SIAH3: variants seen among roughly 807,000 people sequenced by gnomAD.
SIAH3 encodes the protein siah E3 ubiquitin protein ligase family member 3, also known as seven in absentia homolog 3.
SIAH3 carries 9 observed loss-of-function variants against 12.6 expected under a neutral mutation model. That is an observed-to-expected ratio of 0.72 (90% confidence interval 0.43 to 1.25). The LOEUF (loss-of-function observed/expected upper bound fraction) is 1.25. Ranked by LOEUF, SIAH3 falls within the 50% of genes most tolerant of loss-of-function variation. The pLI, the probability that SIAH3 is intolerant of heterozygous loss-of-function variation, is 0.00. For synonymous variants in SIAH3, 154 were observed against 151.1 expected (o/e 1.02, Z -0.14); for missense variants, 390 against 365.4 (o/e 1.07, Z -0.55).
intron 1 of SIAH3, among the ~76,000 whole-genome samples, chr13:45,845,565 A>G (rs995498900): frequency 5.9e-5 from 9 of 152,118 alleles, no homozygotes; most frequent in Admixed American, 5.2e-4. Context: ...ACTTATCCCC[A>G]TGCTACAGTT....
intron 1 of SIAH3, among the ~76,000 whole-genome samples, chr13:45,828,036 C>T (rs540360766): frequency 9.2e-5 from 14 of 152,316 alleles, no homozygotes; most frequent in African/African-American, 3.1e-4. Context: ...GGTAGCCAGT[C>T]CCACCTCTGC....
At chr13:45,838,825 G>C (rs1393687549) in intron 1 of SIAH3, among the ~76,000 whole-genome samples, 3 of 151,790 alleles carry the variant, frequency 2.0e-5, no homozygotes, top group African/African-American at 7.3e-5. Flanking sequence ...GGTCAATGTG[G>C]ACACAGTCCC....
chr13:45,791,473 C>T (rs1295158029), intron 1 of SIAH3, among the ~76,000 whole-genome samples: 2 of 152,164 alleles, frequency 1.3e-5, no homozygotes, highest in Non-Finnish European at 2.9e-5. Context: ...TGTCCTCTAC[C>T]CTTCCATCTC....
intron 1 of SIAH3, among the ~76,000 whole-genome samples, chr13:45,791,251 G>A (rs1409994123): frequency 1.3e-5 from 2 of 152,178 alleles, no homozygotes; most frequent in Non-Finnish European, 2.9e-5. Context: ...CAGAGGTTAA[G>A]TTTGCTCAGT....
intron 1 of SIAH3, among the ~76,000 whole-genome samples, chr13:45,848,943 G>A (rs1048149342): frequency 3.3e-5 from 5 of 152,152 alleles, no homozygotes; most frequent in Admixed American, 6.5e-5. Flanking sequence ...AGCTTATTAC[G>A]TCCAAGGCAT....
At chr13:45,799,622 G>T (rs1348049183) in intron 1 of SIAH3, among the ~76,000 whole-genome samples, 2 of 152,212 alleles carry the variant, frequency 1.3e-5, no homozygotes, top group Non-Finnish European at 2.9e-5. Flanking sequence ...CCCAAGGCCT[G>T]GGGGTTGGTG....
intron 1 of SIAH3, among the ~76,000 whole-genome samples, chr13:45,818,721 T>C (rs1265479353): frequency 6.6e-6 from 1 of 152,252 alleles, no homozygotes; most frequent in Non-Finnish European, 1.5e-5. Flanking sequence ...TAAGAGCGAT[T>C]GTGATGGCAT....
Position 45,851,486 on chromosome 13 carries a change from G to A in SIAH3, c.135+9C>T. On this transcript the variant is annotated intron_variant, in intron 1 of 1. Transcript: ENST00000400405. The stretch of plus-strand genomic sequence containing the variant: ...AGCCCGGTGAAGGTAAAATGACACA[G>A]AGACTCACCTTTAGGTTGTGTGTGG... The A allele has an allele frequency of 3.1e-6, 5 of 1,614,054 alleles. No individual in the cohort carries two copies.
intron 1 of SIAH3, among the ~76,000 whole-genome samples, chr13:45,824,550 A>G (rs1950667061): frequency 6.6e-6 from 1 of 152,148 alleles, no homozygotes; most frequent in Non-Finnish European, 1.5e-5. Context: ...TGGGGTTGAG[A>G]CCCAGGTTTC....
chr13:45,843,001 CT>C (rs1950745548), intron 1 of SIAH3, among the ~76,000 whole-genome samples: 1 of 113,158 alleles, frequency 8.8e-6, no homozygotes, highest in Non-Finnish European at 2.0e-5. Flanking sequence ...AGGGGAGCAT[CT>C]CAGAATTGCC....
chr13:45,812,457 T>A (rs1950619390), intron 1 of SIAH3, among the ~76,000 whole-genome samples: 1 of 151,512 alleles, frequency 6.6e-6, no homozygotes, highest in Non-Finnish European at 1.5e-5. Flanking sequence ...TTAAAATTAG[T>A]GCCTGCTAAA....
intron 1 of SIAH3, among the ~76,000 whole-genome samples, chr13:45,846,084 CTTTTTT>C (rs386379026): frequency 2.3e-5 from 2 of 85,690 alleles, no homozygotes; most frequent in East Asian, 4.1e-4. Flanking sequence ...GACCTAACTT[CTTTTTT>C]TTTTTTTTTT....
Position 45,840,089 on chromosome 13 carries a change from C to T in SIAH3, c.135+11406G>A, listed in dbSNP as rs149851117. Among the ~76,000 whole-genome samples the T allele has an allele frequency of 8.1e-3, 1,227 of 152,266 alleles. 10 individuals carry two copies. Among genetic ancestry groups the T allele is most frequent in the Non-Finnish European group, 0.013 (868 of 68,014 alleles). ...CCTGGCCAACATGGTGAAACCCCAT[C>T]TCTGCTAAAAATACAAAAATTAGCT... On this transcript the variant is annotated intron_variant, in intron 1 of 1. Transcript: ENST00000400405.
At position 45,826,375 on chromosome 13, in the gene SIAH3, GAATGAAT is replaced by G. The variant is rs1950675329; in HGVS notation, c.135+25113_135+25119del. 1.4e-3 allele frequency among the ~76,000 whole-genome samples: 15 copies of G among 10,472 alleles called. 4 individuals are homozygous for G. Among genetic ancestry groups the G allele is most frequent in the South Asian group, 9.6e-3 (2 of 208 alleles). 6.9% of individuals were successfully genotyped at this position (10,472 alleles called of 152,430 possible). On this transcript the variant is annotated intron_variant, in intron 1 of 1. Coordinates refer to ENST00000400405, the MANE Select transcript of SIAH3 (RefSeq NM_198849.3). ...TGGGTGGATGGATGGATGGATGGAT[GAATGAAT>G]GGATGGATGGATGGATGGATGGATG...
intron 1 of SIAH3, among the ~76,000 whole-genome samples, chr13:45,798,810 G>A (rs925683151): frequency 6.6e-6 from 1 of 152,226 alleles, no homozygotes; most frequent in Admixed American, 6.5e-5. Context: ...GAAAAATTAT[G>A]ATGTACCAAA....
chr13:45,826,500 GATA>G (rs1950677977), intron 1 of SIAH3, among the ~76,000 whole-genome samples: 1 of 148,256 alleles, frequency 6.7e-6, no homozygotes, highest in African/African-American at 2.5e-5. Context: ...TGGGTGGGTG[GATA>G]GATGGATGGA....
At chr13:45,820,602 G>C (rs369241151) in intron 1 of SIAH3, among the ~76,000 whole-genome samples, 1 of 152,110 alleles carries the variant, frequency 6.6e-6, no homozygotes, top group Non-Finnish European at 1.5e-5. Flanking sequence ...AGGCAATTTC[G>C]GAGGACTATT....
intron 1 of SIAH3, among the ~76,000 whole-genome samples, chr13:45,818,563 C>T (rs777309865): frequency 2.0e-5 from 3 of 152,232 alleles, no homozygotes; most frequent in Non-Finnish European, 4.4e-5. Context: ...AGAGGAGAAT[C>T]ATTCCTCTTC....
At chr13:45,824,420 A>G (rs1950666595) in intron 1 of SIAH3, among the ~76,000 whole-genome samples, 1 of 152,206 alleles carries the variant, frequency 6.6e-6, no homozygotes, top group Non-Finnish European at 1.5e-5. Flanking sequence ...AAGCAATAAC[A>G]GAATATTCAA....
Sources: allele counts gnomAD v4.1 joint callset (sites outside exome capture counted in the v4.1 genomes callset), GRCh38; gene constraint gnomAD v4.1.1; transcripts MANE v1.5; gene names NCBI Gene and HGNC (gene_info 2026-07-23, HGNC 2026-07-21).